Variants in STARD13 observed in about 807,000 individuals in gnomAD.
STARD13 encodes the protein StAR related lipid transfer domain containing 13.
STARD13 carries 62 observed loss-of-function variants against 106.4 expected under a neutral mutation model. The ratio of observed to expected loss-of-function variants is 0.58; its 90% CI spans 0.48 to 0.72. STARD13 has a LOEUF of 0.72. Ranked by LOEUF, STARD13 falls within the 30% of genes least tolerant of loss-of-function variation. STARD13 has a pLI of 0.00. For missense variants in STARD13, 1,387 were observed against 1,424.0 expected (o/e 0.97, Z 0.42); for synonymous variants, 565 against 553.0 (o/e 1.02, Z -0.31).
intron 1 of STARD13, among the ~76,000 whole-genome samples, chr13:33,188,867 C>T (rs191538931): frequency 1.1e-4 from 17 of 152,186 alleles, no homozygotes; most frequent in African/African-American, 3.9e-4. Context: ...AACGAAAAGA[C>T]ACTTTGCCTT....
chr13:33,589,682 G>A, the STARD13 span, among the ~76,000 whole-genome samples: 12 of 152,230 alleles, frequency 7.9e-5, no homozygotes, highest in South Asian at 1.0e-3. Context: ...TATAATTTCT[G>A]TTCTTTTACA....
chr13:33,473,919 C>T, the STARD13 span, among the ~76,000 whole-genome samples: 2 of 152,194 alleles, frequency 1.3e-5, no homozygotes, highest in Admixed American at 6.5e-5. Flanking sequence ...TAAACAAGCT[C>T]AACCAACTGA....
chr13:33,496,883 G>C, the STARD13 span, among the ~76,000 whole-genome samples: 1 of 151,940 alleles, frequency 6.6e-6, no homozygotes, highest in Non-Finnish European at 1.5e-5. Flanking sequence ...TTCGTTTCTG[G>C]ATAAATTTTG....
chr13:33,633,796 A>G, the STARD13 span, among the ~76,000 whole-genome samples: 1 of 152,170 alleles, frequency 6.6e-6, no homozygotes, highest in Admixed American at 6.5e-5. Context: ...GTGACTCTGC[A>G]AACAGCACCC....
the STARD13 span, among the ~76,000 whole-genome samples, chr13:33,360,067 C>T: frequency 6.6e-6 from 1 of 152,318 alleles, no homozygotes; most frequent in East Asian, 1.9e-4. Flanking sequence ...TGCCAACGTC[C>T]TGCAACATTT....
the STARD13 span, among the ~76,000 whole-genome samples, chr13:33,499,508 C>CT: frequency 9.3e-5 from 5 of 53,860 alleles, no homozygotes; most frequent in African/African-American, 3.9e-4. Context: ...TCTTCTTCTT[C>CT]TTCTTCTTTC....
the STARD13 span, among the ~76,000 whole-genome samples, chr13:33,485,130 C>A: frequency 2.0e-5 from 3 of 152,144 alleles, no homozygotes; most frequent in African/African-American, 7.2e-5. Flanking sequence ...TTCTCTCAAA[C>A]TCCTACTTGG....
At chr13:33,323,993 G>A (rs1240924293) in intron 1 of STARD13, among the ~76,000 whole-genome samples, 1 of 151,754 alleles carries the variant, frequency 6.6e-6, no homozygotes, top group Non-Finnish European at 1.5e-5. Context: ...GAGAGGTTAA[G>A]AAAAAAAATG....
chr13:33,233,796 G>A (rs1889047679), intron 1 of STARD13, among the ~76,000 whole-genome samples: 1 of 152,226 alleles, frequency 6.6e-6, no homozygotes, highest in Non-Finnish European at 1.5e-5. Context: ...TTACCTGGGT[G>A]TTGCTGCATT....
At chr13:33,207,476 T>A (rs1887485036) in intron 1 of STARD13, among the ~76,000 whole-genome samples, 1 of 152,184 alleles carries the variant, frequency 6.6e-6, no homozygotes. Flanking sequence ...AGCCTGAGTT[T>A]GAAGTTGTAA....
intron 1 of STARD13, among the ~76,000 whole-genome samples, chr13:33,245,350 T>A (rs1460415701): frequency 1.3e-5 from 2 of 152,228 alleles, no homozygotes; most frequent in Admixed American, 6.5e-5. Flanking sequence ...CATCCGCACT[T>A]ACATTCTCGC....
chr13:33,273,229 C>T lies in STARD13; in HGVS notation c.169+12241G>A, dbSNP rs1178132308. ...GACTATAATTTCATTGGACACCTGT[C>T]TTCAAAATGACAATGCATGTGGAAT... On this transcript the variant is annotated intron_variant, in intron 1 of 13. Coordinates refer to ENST00000336934, the MANE Select transcript of STARD13 (RefSeq NM_178006.4). Among the ~76,000 whole-genome samples, 10 of 152,296 alleles carry T rather than the reference C, an allele frequency of 6.6e-5. No homozygotes were observed. In the East Asian group the frequency reaches 9.6e-4, roughly 15 times the overall value.
At chr13:33,352,711 C>G (rs1014179389), upstream of STARD13, among the ~76,000 whole-genome samples, 8 of 152,232 alleles carry the variant, frequency 5.3e-5, no homozygotes, top group Non-Finnish European at 1.0e-4. Context: ...TGGCCCAGCT[C>G]TCTGCCAGCC....
At chr13:33,304,529 T>C (rs1321664270) in intron 1 of STARD13, among the ~76,000 whole-genome samples, 3 of 152,186 alleles carry the variant, frequency 2.0e-5, no homozygotes, top group Non-Finnish European at 4.4e-5. Flanking sequence ...GACATACAGA[T>C]AAGAATTCTA....
chr13:33,104,001 A>C lies in STARD13; in HGVS notation c.*1592T>G, dbSNP rs1349807893. ...CTCGCACCATACCAAACTCATAGAA[A>C]GCTTTTTTATTCCTCTCAATAAAAT... On this transcript the variant is annotated 3_prime_UTR_variant, in exon 14 of 14. Coordinates refer to ENST00000336934, the MANE Select transcript of STARD13 (RefSeq NM_178006.4). 6.6e-6 allele frequency: 1 copy of C among 152,238 alleles called. No homozygotes were observed. The highest frequency in any genetic ancestry group is 2.4e-5 in the African/African-American group (1 of 41,472). The allele number at this position is 152,238 out of a possible 1,614,324, so 9.4% of individuals were successfully genotyped here.
At chr13:33,464,221 A>C in the STARD13 span, among the ~76,000 whole-genome samples, 193 of 152,014 alleles carry the variant, frequency 1.3e-3, 4 homozygotes, top group African/African-American at 4.5e-3. Flanking sequence ...ATATTTATTG[A>C]AATGGGAGAT....
At chr13:33,500,093 T>A in the STARD13 span, among the ~76,000 whole-genome samples, 1 of 152,076 alleles carries the variant, frequency 6.6e-6, no homozygotes, top group East Asian at 1.9e-4. Context: ...ATGAAAGTCC[T>A]ACCCTCAAGA....
At chr13:33,292,561 A>G (rs1407105302) in intron 1 of STARD13, among the ~76,000 whole-genome samples, 2 of 151,762 alleles carry the variant, frequency 1.3e-5, no homozygotes, top group African/African-American at 2.4e-5. Context: ...TGAGTGTGCC[A>G]CTGCATTCTA....
chr13:33,306,577 A>G (rs901828970), intron 1 of STARD13, among the ~76,000 whole-genome samples: 5 of 152,204 alleles, frequency 3.3e-5, no homozygotes, highest in African/African-American at 7.2e-5. Flanking sequence ...CAATCTATCC[A>G]TCTGACAAAG....
Sources: allele counts gnomAD v4.1 joint callset (sites outside exome capture counted in the v4.1 genomes callset), GRCh38; gene constraint gnomAD v4.1.1; transcripts MANE v1.5; gene names NCBI Gene and HGNC (gene_info 2026-07-23, HGNC 2026-07-21).